FAM161A: variants seen among roughly 807,000 people sequenced by gnomAD.
FAM161A encodes the protein FAM161 centrosomal protein A.
A neutral mutation model predicts 70.9 loss-of-function variants in FAM161A; 57 were observed. The observed-to-expected ratio is 0.80, with a 90% CI of 0.65 to 1.00. FAM161A has a LOEUF of 1.00. FAM161A is among the 50% of genes least tolerant of loss of function. FAM161A has a pLI of 0.00. For missense variants in FAM161A, 880 were observed against 836.0 expected (o/e 1.05, Z -0.65); for synonymous variants, 299 against 295.7 (o/e 1.01, Z -0.12).
At position 61,827,162 on chromosome 2, in the gene FAM161A, T is replaced by C. The variant is rs771856263; in HGVS notation, c.1948A>G (p.Lys650Glu). Residue 650 changes from lysine (K) to glutamate (E), a missense_variant, in exon 6 of 7, where the codon AAA becomes GAA. Physicochemically the swap from Lys to Glu is moderately conservative, Grantham distance 56. Transcript: ENST00000404929. ...EFVSKKGQSG[K>E]VLEYFNNQET... ...TGATTGTTGAAGTACTCAAGTACTT[T>C]TCCACTTTGGCCTTTCTTTGAAACA... 3 of 1,613,892 alleles carry C rather than the reference T, an allele frequency of 1.9e-6. No individual in the cohort carries two copies. In the African/African-American group the frequency reaches 4.0e-5, roughly 22 times the overall value.
the FAM161A span, among the ~76,000 whole-genome samples, chr2:61,803,726 A>G: frequency 6.6e-6 from 1 of 152,186 alleles, no homozygotes; most frequent in Non-Finnish European, 1.5e-5. Context: ...AGGCAGGAGA[A>G]TGGTGTGAAC....
intron 1 of FAM161A, among the ~76,000 whole-genome samples, chr2:61,844,844 G>T (rs1394669844): frequency 6.6e-6 from 1 of 152,188 alleles, no homozygotes; most frequent in Non-Finnish European, 1.5e-5. Context: ...CCAGCTAAGC[G>T]GAGAGACAGA....
downstream of FAM161A, among the ~76,000 whole-genome samples, chr2:61,824,228 CG>C (rs1222600830): frequency 1.3e-4 from 18 of 139,820 alleles, no homozygotes; most frequent in South Asian, 4.5e-4. Flanking sequence ...TTAGTAGAGA[CG>C]GGGTTTCACC....
At chr2:61,847,097 G>GAA in intron 1 of FAM161A, 1 of 337,058 alleles carries the variant, frequency 3.0e-6, no homozygotes, top group Non-Finnish European at 5.9e-6. Context: ...AGGAGGCAGA[G>GAA]GTTGCAGTGA....
In FAM161A at chr2:61,826,377, G is replaced by A. The variant is rs1369854842; in HGVS notation, c.*78C>T. 2.0e-6 allele frequency: 3 copies of A among 1,518,512 alleles called. No individual in the cohort carries two copies. Among genetic ancestry groups the A allele is most frequent in the East Asian group, 4.6e-5 (2 of 43,590 alleles). 94.1% of individuals were successfully genotyped at this position (1,518,512 alleles called of 1,614,324 possible). A position where few individuals can be genotyped will look rare whatever the true frequency, so the allele number is the denominator to read the frequency against. The stretch of plus-strand genomic sequence containing the variant: ...ACATATCAGAAGCGTCCCCACAGAT[G>A]TTCTAAACACAAATGCGGCTGCTGA... On this transcript the variant is annotated 3_prime_UTR_variant, in exon 7 of 7. Coordinates refer to ENST00000404929, the MANE Select transcript of FAM161A (RefSeq NM_001201543.2).
downstream of FAM161A, among the ~76,000 whole-genome samples, chr2:61,823,244 A>T (rs978230155): frequency 2.6e-5 from 4 of 150,970 alleles, no homozygotes; most frequent in African/African-American, 9.7e-5. Flanking sequence ...GAGGCAGGAG[A>T]ATCACTTGAA....
the FAM161A span, among the ~76,000 whole-genome samples, chr2:61,808,493 C>T: frequency 1.3e-5 from 2 of 152,028 alleles, no homozygotes; most frequent in Non-Finnish European, 2.9e-5. Context: ...AGGATAGTCT[C>T]GATCTCCTGG....
rs1672353290 is a variant in FAM161A at position 61,826,103 on chromosome 2, TTC to T, written c.*350_*351del. 6.3e-6 allele frequency: 3 copies of T among 473,834 alleles called. No homozygotes were observed. The highest frequency in any genetic ancestry group is 8.3e-6 in the Non-Finnish European group (2 of 240,620). 29.4% of individuals were successfully genotyped at this position (473,834 alleles called of 1,614,324 possible). On this transcript the variant is annotated 3_prime_UTR_variant, in exon 7 of 7. Transcript: ENST00000404929. ...AAAGTAAACCACCAAAGACCAATAC[TTC>T]TCTCTCCTTTCAATACTAAGCCATT...
In FAM161A at chr2:61,825,626, A is replaced by G. The variant is rs376369328; in HGVS notation, c.*829T>C. The G allele has an allele frequency of 9.1e-4, 395 of 435,048 alleles. 3 individuals are homozygous for G. The highest frequency in any genetic ancestry group is 7.4e-3 in the African/African-American group (358 of 48,056). The allele number at this position is 435,048 out of a possible 1,614,324, so 26.9% of individuals were successfully genotyped here. On this transcript the variant is annotated 3_prime_UTR_variant, in exon 7 of 7. Transcript: ENST00000404929. Reference sequence around the variant, plus strand: ...AATAAATGTAAATTTGCAAGTATCCATTTTTTTCTATACTTTTTTTTTTTT... The same window carrying G: ...AATAAATGTAAATTTGCAAGTATCCGTTTTTTTCTATACTTTTTTTTTTTT...
At position 61,844,143 on chromosome 2, in the gene FAM161A, CA is replaced by C. The variant is rs376892387; in HGVS notation, c.184-1784del. Among the ~76,000 whole-genome samples the C allele has an allele frequency of 2.9e-3, 409 of 142,180 alleles. 2 individuals carry two copies. The highest frequency in any genetic ancestry group is 9.8e-3 in the African/African-American group (379 of 38,852). 93.3% of individuals were successfully genotyped at this position (142,180 alleles called of 152,430 possible). A position where few individuals can be genotyped will look rare whatever the true frequency, so the allele number is the denominator to read the frequency against. ...AGGCGACAGAGCGAGACTCTGTCTC[CA>C]AAAAAAAAAGCAGTCTTCAATAGAA... is the stretch of plus-strand genomic sequence containing the variant. On this transcript the variant is annotated intron_variant, in intron 1 of 6. Coordinates refer to ENST00000404929, the MANE Select transcript of FAM161A (RefSeq NM_001201543.2).
chr2:61,853,978 T>C lies in FAM161A; in HGVS notation c.64A>G (p.Ile22Val), dbSNP rs1214769725. 1.2e-6 allele frequency: 2 copies of C among 1,613,864 alleles called. No individual in the cohort carries two copies. Among genetic ancestry groups the C allele is most frequent in the Admixed American group, 1.7e-5 (1 of 60,018 alleles). Reference sequence around the variant, plus strand: ...TACTGGGCGACCCGCGCTCCAGTGATGGGATTTACCGGGGTCTGGAGACTG... The same window carrying C: ...TACTGGGCGACCCGCGCTCCAGTGACGGGATTTACCGGGGTCTGGAGACTG... ...ASSLQTPVNP[I>V]TGARVAQYER... The change falls in exon 1 of 7, where the codon ATC becomes GTC. Residue 22 changes from isoleucine to valine, a missense_variant. Transcript: ENST00000404929.
At chr2:61,833,630 T>G (rs1178548926) in intron 5 of FAM161A, among the ~76,000 whole-genome samples, 1 of 152,104 alleles carries the variant, frequency 6.6e-6, no homozygotes, top group Non-Finnish European at 1.5e-5. Flanking sequence ...ACCATATCAA[T>G]AAGCTAGTAG....
At chr2:61,819,922 A>G (rs1672167505), downstream of FAM161A, among the ~76,000 whole-genome samples, 1 of 152,094 alleles carries the variant, frequency 6.6e-6, no homozygotes, top group African/African-American at 2.4e-5. Context: ...CTATTATACA[A>G]TGTTAATGTC....
the FAM161A span, among the ~76,000 whole-genome samples, chr2:61,807,750 C>A: frequency 6.6e-6 from 1 of 151,502 alleles, no homozygotes; most frequent in Admixed American, 6.6e-5. Context: ...AAGCATTCCT[C>A]CCACCTCAGC....
At chr2:61,813,757 C>T in the FAM161A span, among the ~76,000 whole-genome samples, 10 of 151,130 alleles carry the variant, frequency 6.6e-5, no homozygotes, top group Admixed American at 2.0e-4. Flanking sequence ...AGAAAAAAGT[C>T]GCTCTGATAG....
In FAM161A at chr2:61,827,085, G is replaced by C; in HGVS notation, c.2006+19C>G. 6.2e-7 allele frequency: 1 copy of C among 1,612,130 alleles called. No individual in the cohort carries two copies. The highest frequency in any genetic ancestry group is 1.1e-5 in the South Asian group (1 of 90,972). ...AATTTTTTCAAAGGTAAGCCATTCAGACATCTTATATATGTTACCTTTCTT... is the reference window on the plus strand; with the variant it reads ...AATTTTTTCAAAGGTAAGCCATTCACACATCTTATATATGTTACCTTTCTT... On this transcript the variant is annotated intron_variant, in intron 6 of 6. Coordinates refer to ENST00000404929, the MANE Select transcript of FAM161A (RefSeq NM_001201543.2).
At chr2:61,827,566 C>T (rs557503073) in intron 5 of FAM161A, among the ~76,000 whole-genome samples, 22 of 146,124 alleles carry the variant, frequency 1.5e-4, no homozygotes, top group African/African-American at 5.3e-4. Context: ...GCCGAGATCG[C>T]GCCACTGTAC....
the FAM161A span, among the ~76,000 whole-genome samples, chr2:61,814,482 T>TCCTTTCCTCTGCTC: frequency 2.2e-3 from 328 of 152,274 alleles, 1 homozygote; most frequent in East Asian, 0.032. Flanking sequence ...TATCTCTGCT[T>TCCTTTCCTCTGCTC]CTCTTCCTTT....
intron 4 of FAM161A, among the ~76,000 whole-genome samples, chr2:61,837,605 C>T (rs1558481245): frequency 6.6e-6 from 1 of 152,000 alleles, no homozygotes; most frequent in East Asian, 1.9e-4. Context: ...CTCATCTCTA[C>T]CAAAAATACA....
Sources: allele counts gnomAD v4.1 joint callset (sites outside exome capture counted in the v4.1 genomes callset), GRCh38; gene constraint gnomAD v4.1.1; transcripts MANE v1.5; gene names NCBI Gene and HGNC (gene_info 2026-07-23, HGNC 2026-07-21).